USH2A: variants seen among roughly 807,000 people sequenced by gnomAD.
USH2A encodes the protein usherin.
A neutral mutation model predicts 538.9 loss-of-function variants in USH2A; 443 were observed. That is an observed-to-expected ratio of 0.82 (90% CI 0.76 to 0.89). The LOEUF (loss-of-function observed/expected upper bound fraction) is 0.89. Ranked by LOEUF, USH2A falls within the 40% of genes least tolerant of loss-of-function variation. The pLI, the probability that USH2A is intolerant of heterozygous loss-of-function variation, is 0.00. For synonymous variants in USH2A, 2,413 were observed against 2,273.5 expected (o/e 1.06, Z -1.75); for missense variants, 6,633 against 6,324.8 (o/e 1.05, Z -1.65).
intron 46 of USH2A, among the ~76,000 whole-genome samples, chr1:215,842,993 A>G (rs1461031343): frequency 6.6e-6 from 1 of 152,172 alleles, no homozygotes; most frequent in Admixed American, 6.5e-5. Flanking sequence ...AAATGAAAAA[A>G]AAAGAAAAAT....
At chr1:215,965,225 TAAAAGAAAGATTTTAGCC>T (rs1027454063) in intron 37 of USH2A, 74 bp downstream of exon 37, 489 of 1,416,228 alleles carry the variant, frequency 3.5e-4, no homozygotes, top group Non-Finnish European at 4.6e-4. Context: ...CATCTGTGGC[TAAAAGAAAGATTTTAGCC>T]AAAAGAAAGA....
chr1:215,840,149 G>A (rs1663634578), intron 46 of USH2A, among the ~76,000 whole-genome samples: 1 of 108,270 alleles, frequency 9.2e-6, no homozygotes, highest in Non-Finnish European at 1.7e-5. Context: ...GGTGAGAAGA[G>A]TGAGACTCTG....
At chr1:215,746,472 T>C (rs989622271) in intron 58 of USH2A, among the ~76,000 whole-genome samples, 1 of 152,238 alleles carries the variant, frequency 6.6e-6, no homozygotes, top group Non-Finnish European at 1.5e-5. Context: ...CTTGCCCTAC[T>C]TGCGATTGTT....
At chr1:216,376,455 A>G (rs2102725824) in intron 3 of USH2A, among the ~76,000 whole-genome samples, 1 of 149,960 alleles carries the variant, frequency 6.7e-6, no homozygotes, top group South Asian at 2.1e-4. Context: ...GGTTACTCCA[A>G]GCCTTCTATT....
intron 3 of USH2A, among the ~76,000 whole-genome samples, chr1:216,374,686 G>A (rs1320708863): frequency 2.6e-5 from 4 of 152,048 alleles, no homozygotes; most frequent in Admixed American, 2.6e-4. Flanking sequence ...ATTTTACTCA[G>A]TGGGATATAA....
chr1:216,234,469 T>A (rs2102526555), intron 13 of USH2A, among the ~76,000 whole-genome samples: 1 of 152,228 alleles, frequency 6.6e-6, no homozygotes, highest in Admixed American at 6.5e-5. Flanking sequence ...GCCATGACAA[T>A]TAGTATATAT....
intron 15 of USH2A, among the ~76,000 whole-genome samples, chr1:216,214,908 ACT>A (rs2035314102): frequency 6.6e-6 from 1 of 152,042 alleles, no homozygotes; most frequent in Admixed American, 6.6e-5. Context: ...GGTTGAACTA[ACT>A]AGAATATCAT....
At chr1:216,389,365 A>C (rs1381526466) in intron 3 of USH2A, among the ~76,000 whole-genome samples, 1 of 152,178 alleles carries the variant, frequency 6.6e-6, no homozygotes, top group African/African-American at 2.4e-5. Flanking sequence ...TAAAGGAAGT[A>C]AGGAATCAGT....
In USH2A at chr1:215,623,965, T is replaced by TAAG. The variant is rs1655902270; in HGVS notation, c.*1813_*1815dup. ...GTGACCACTCCTTTCCTATATACCT[T>TAAG]AAGTAGCTCACAGAAGGTGGACACA... On this transcript the variant is annotated 3_prime_UTR_variant, in exon 72 of 72. Transcript: ENST00000307340. The TAAG allele has an allele frequency of 6.6e-6, 1 of 152,152 alleles. No homozygotes were observed. Among genetic ancestry groups the TAAG allele is most frequent in the Non-Finnish European group, 1.5e-5 (1 of 68,008 alleles). The allele number at this position is 152,152 out of a possible 1,614,324, so 9.4% of individuals were successfully genotyped here. A position where few individuals can be genotyped will look rare whatever the true frequency, so the allele number is the denominator to read the frequency against.
chr1:215,908,193 C>T (rs1032873382), intron 38 of USH2A, among the ~76,000 whole-genome samples: 8 of 151,842 alleles, frequency 5.3e-5, no homozygotes, highest in Admixed American at 2.6e-4. Context: ...TCATACATGT[C>T]CCTTTTGTTT....
At chr1:215,920,276 C>A (rs1284238192) in intron 38 of USH2A, among the ~76,000 whole-genome samples, 2 of 151,922 alleles carry the variant, frequency 1.3e-5, no homozygotes, top group Non-Finnish European at 2.9e-5. Context: ...ACTAGTCAGG[C>A]GATATCTCCC....
chr1:215,908,315 G>T (rs1665690110), intron 38 of USH2A, among the ~76,000 whole-genome samples: 1 of 151,896 alleles, frequency 6.6e-6, no homozygotes, highest in Non-Finnish European at 1.5e-5. Context: ...TTTGAGAGCA[G>T]ATATGCTTTT....
chr1:216,013,249 A>G (rs2102494526), intron 32 of USH2A, among the ~76,000 whole-genome samples: 1 of 149,654 alleles, frequency 6.7e-6, no homozygotes, highest in Non-Finnish European at 1.5e-5. Flanking sequence ...TGTTTCTTCT[A>G]ACAACCCCAC....
chr1:215,886,758 A>G (rs1251321414), intron 41 of USH2A: 2 of 152,254 alleles, frequency 1.3e-5, no homozygotes, highest in African/African-American at 4.8e-5. Flanking sequence ...AAAGAGGGTA[A>G]AAATGTGAAG....
chr1:215,663,248 G>C (rs1209535703), intron 64 of USH2A, among the ~76,000 whole-genome samples: 2 of 152,116 alleles, frequency 1.3e-5, no homozygotes, highest in East Asian at 3.9e-4. Context: ...CTTTTAACTA[G>C]TGAGATCCTG....
intron 26 of USH2A, among the ~76,000 whole-genome samples, chr1:216,081,564 T>C (rs927417569): frequency 1.3e-5 from 2 of 151,942 alleles, no homozygotes; most frequent in East Asian, 3.9e-4. Context: ...TAATAGGCAC[T>C]CCGTATATAT....
intron 4 of USH2A, among the ~76,000 whole-genome samples, chr1:216,354,765 G>A (rs1179345374): frequency 3.3e-5 from 5 of 151,814 alleles, no homozygotes; most frequent in Non-Finnish European, 7.4e-5. Flanking sequence ...ACAATATCTA[G>A]TGCTCTAACA....
chr1:216,326,999 C>T (rs2037745808), intron 5 of USH2A, among the ~76,000 whole-genome samples: 1 of 151,750 alleles, frequency 6.6e-6, no homozygotes, highest in Non-Finnish European at 1.5e-5. Flanking sequence ...TTTAAGAAGC[C>T]CTAAGAAAGA....
chr1:216,220,945 A>T (rs990762877), intron 14 of USH2A, among the ~76,000 whole-genome samples: 1 of 152,168 alleles, frequency 6.6e-6, no homozygotes, highest in African/African-American at 2.4e-5. Flanking sequence ...TTAGATAAGG[A>T]TTATTAATAA....
Sources: allele counts gnomAD v4.1 joint callset (sites outside exome capture counted in the v4.1 genomes callset), GRCh38; gene constraint gnomAD v4.1.1; transcripts MANE v1.5; gene names NCBI Gene and HGNC (gene_info 2026-07-23, HGNC 2026-07-21).